Variants in DMD observed in about 807,000 individuals in gnomAD.
DMD encodes dystrophin.
DMD carries 63 observed loss-of-function variants against 330.1 expected under a neutral mutation model. The ratio of observed to expected loss-of-function variants is 0.19; its 90% confidence interval spans 0.16 to 0.24. DMD has a LOEUF of 0.24. Among genes scored for constraint, DMD ranks in the 10% least tolerant of loss-of-function variants. The probability of loss-of-function intolerance (pLI) is 1.00; values close to 1 mark genes in which losing one functional copy is unlikely to be tolerated. For synonymous variants in DMD, 1,223 were observed against 959.8 expected (o/e 1.27, Z -5.07); for missense variants, 3,344 against 2,684.1 (o/e 1.25, Z -5.43).
intron 44 of DMD, among the ~76,000 whole-genome samples, chrX:32,046,308 T>C (rs2096064280): frequency 8.9e-6 from 1 of 112,465 alleles, no homozygotes; most frequent in South Asian, 3.6e-4. Context: ...TGGAAGAACA[T>C]GGATTCCATT....
chrX:32,230,962 TG>T (rs1157061905), intron 43 of DMD, among the ~76,000 whole-genome samples: 13 of 112,351 alleles, frequency 1.2e-4, no homozygotes, highest in African/African-American at 4.2e-4. Context: ...TCAATATCTA[TG>T]AATGAGGAAA....
At chrX:32,714,366 C>G (rs918095695) in intron 7 of DMD, among the ~76,000 whole-genome samples, 2 of 111,610 alleles carry the variant, frequency 1.8e-5, no homozygotes, top group African/African-American at 6.5e-5. Context: ...GTATTCAATT[C>G]TGTATGTCCA....
intron 63 of DMD, among the ~76,000 whole-genome samples, chrX:31,245,834 C>CTCCTCTGGCCT (rs2048780694): frequency 9.0e-6 from 1 of 111,414 alleles, no homozygotes; most frequent in Non-Finnish European, 1.9e-5. Flanking sequence ...CTCTTTCCCT[C>CTCCTCTGGCCT]TCCTCTGGCC....
chrX:31,399,419 T>A (rs1303089353), intron 60 of DMD, among the ~76,000 whole-genome samples: 1 of 74,822 alleles, frequency 1.3e-5, no homozygotes, highest in Admixed American at 1.9e-4. Flanking sequence ...AGCTCTGGGG[T>A]TTTTATAGGC....
chrX:32,346,944 T>C (rs1488255902), intron 38 of DMD, among the ~76,000 whole-genome samples: 1 of 111,881 alleles, frequency 8.9e-6, no homozygotes, highest in Non-Finnish European at 1.9e-5. Flanking sequence ...CACATTGTAA[T>C]GGTACTCAAG....
At chrX:32,580,507 T>G (rs1030670083) in intron 13 of DMD, among the ~76,000 whole-genome samples, 1 of 111,972 alleles carries the variant, frequency 8.9e-6, no homozygotes, top group African/African-American at 3.2e-5. Context: ...GTACAGACTC[T>G]CCTAGACAGG....
At chrX:32,681,629 T>C (rs766211687) in intron 9 of DMD, among the ~76,000 whole-genome samples, 3 of 111,820 alleles carry the variant, frequency 2.7e-5, no homozygotes, top group East Asian at 2.8e-4. Flanking sequence ...TCTTAGAATA[T>C]ACAATACAAT....
chrX:31,750,397 A>G (rs1207084847), intron 51 of DMD, among the ~76,000 whole-genome samples: 45 of 109,397 alleles, frequency 4.1e-4, no homozygotes, highest in Middle Eastern at 4.6e-3. Flanking sequence ...TTTATTAAAT[A>G]GGGAATCCTT....
intron 62 of DMD, among the ~76,000 whole-genome samples, chrX:31,289,290 C>A (rs865923590): frequency 2.6e-4 from 20 of 75,909 alleles, no homozygotes; most frequent in African/African-American, 6.8e-4. Context: ...AAATCCATCT[C>A]AAAAAAAAAA....
At chrX:32,631,980 T>C (rs1461154859) in intron 11 of DMD, among the ~76,000 whole-genome samples, 1 of 111,380 alleles carries the variant, frequency 9.0e-6, no homozygotes, top group Non-Finnish European at 1.9e-5. Flanking sequence ...CCCAAGGTCT[T>C]TACTTATTCC....
At chrX:31,570,153 G>C (rs1479839764) in intron 55 of DMD, among the ~76,000 whole-genome samples, 1 of 111,152 alleles carries the variant, frequency 9.0e-6, no homozygotes, top group African/African-American at 3.3e-5. Flanking sequence ...GTTTCTTCTT[G>C]TTCTTCATGA....
At chrX:32,504,531 G>A (rs1201380717) in intron 18 of DMD, among the ~76,000 whole-genome samples, 1 of 110,792 alleles carries the variant, frequency 9.0e-6, no homozygotes, top group Non-Finnish European at 1.9e-5. Flanking sequence ...GGAGGCTGAG[G>A]CAGGAAAATC....
chrX:32,237,992 T>C (rs1418337678), intron 43 of DMD, among the ~76,000 whole-genome samples: 1 of 112,176 alleles, frequency 8.9e-6, no homozygotes, highest in Non-Finnish European at 1.9e-5. Flanking sequence ...AAACATTCTT[T>C]GTCTTTCTTG....
intron 55 of DMD, among the ~76,000 whole-genome samples, chrX:31,575,381 C>T (rs1249712153): frequency 2.7e-5 from 3 of 111,300 alleles, no homozygotes; most frequent in Non-Finnish European, 5.7e-5. Context: ...GGAACTATAT[C>T]GAGCTCAACT....
intron 74 of DMD, among the ~76,000 whole-genome samples, chrX:31,166,387 T>C (rs1434254823): frequency 9.0e-6 from 1 of 111,720 alleles, no homozygotes; most frequent in Non-Finnish European, 1.9e-5. Flanking sequence ...CTTTTGCTGT[T>C]ATTTGGAGAT....
chrX:31,872,172 C>T (rs768869144), intron 48 of DMD, among the ~76,000 whole-genome samples: 3 of 109,069 alleles, frequency 2.8e-5, no homozygotes, highest in Non-Finnish European at 5.7e-5. Flanking sequence ...ATAAGAAACT[C>T]GGAATGTGCT....
chrX:31,930,946 C>G (rs570307035), intron 46 of DMD, among the ~76,000 whole-genome samples: 1 of 112,151 alleles, frequency 8.9e-6, no homozygotes, highest in Non-Finnish European at 1.9e-5. Flanking sequence ...AGTAAAACAT[C>G]GGATGTATAG....
At chrX:31,495,930 G>A (rs893784076) in intron 57 of DMD, among the ~76,000 whole-genome samples, 1 of 111,923 alleles carries the variant, frequency 8.9e-6, no homozygotes, top group Non-Finnish European at 1.9e-5. Flanking sequence ...CTGTTCAATC[G>A]GTAGCTACTG....
At chrX:33,154,878 C>T (rs2048435154) in intron 1 of DMD, among the ~76,000 whole-genome samples, 1 of 111,969 alleles carries the variant, frequency 8.9e-6, no homozygotes, top group East Asian at 2.8e-4. Context: ...TTTTCCTCAC[C>T]TCCTACTTAG....
Sources: gnomAD v4.1 joint callset for allele counts (sites outside exome capture counted in the v4.1 genomes callset) on GRCh38, gnomAD v4.1.1 for gene constraint, MANE v1.5 for transcripts, NCBI Gene and HGNC (gene_info 2026-07-23, HGNC 2026-07-21) for gene names.